C11orf65: variants seen among roughly 807,000 people sequenced by gnomAD.
C11orf65 encodes chromosome 11 open reading frame 65, also known as protein MFI.
In C11orf65, 38 loss-of-function variants were observed where a neutral mutation model predicts 35.3. The observed-to-expected ratio is 1.08, with a 90% CI of 0.83 to 1.41. The LOEUF is 1.41. Among genes scored for constraint, C11orf65 ranks in the 40% most tolerant of loss-of-function variants. The pLI is 0.00. For missense variants in C11orf65, 370 were observed against 367.1 expected (o/e 1.01, Z -0.06); for synonymous variants, 105 against 114.4 (o/e 0.92, Z 0.53).
chr11:108,368,232 G>C (rs1258671621), intron 2 of C11orf65: 1 of 197,498 alleles, frequency 5.1e-6, no homozygotes, highest in Admixed American at 6.2e-5. Context: ...TGTAATTTTA[G>C]TAGAGACAGG....
At chr11:108,354,080 C>CACACAT (rs1358434574) in intron 2 of C11orf65, among the ~76,000 whole-genome samples, 22 of 149,936 alleles carry the variant, frequency 1.5e-4, no homozygotes, top group African/African-American at 4.2e-4. Flanking sequence ...AACACACACA[C>CACACAT]ACACACACAC....
intron 2 of C11orf65, among the ~76,000 whole-genome samples, chr11:108,376,849 C>G (rs1450034189): frequency 2.0e-5 from 3 of 150,928 alleles, no homozygotes; most frequent in Non-Finnish European, 3.0e-5. Context: ...ATACTACAAA[C>G]ACCTCTATGC....
chr11:108,364,901 A>C lies in C11orf65; in HGVS notation c.226+28307T>G, dbSNP rs150178811. Among the ~76,000 whole-genome samples the C allele has an allele frequency of 5.9e-5, 9 of 152,332 alleles. No individual in the cohort carries two copies. The East Asian group carries it at 1.7e-3, about 29-fold the overall frequency. ...AGAATGAATTCAGAATGAAATGAGA[A>C]GCTTGGAGCATTATGCTAGGATAGT... On this transcript the variant is annotated intron_variant, in intron 2 of 3. Transcript: ENST00000524755.
chr11:108,445,328 C>A (rs184433393), intron 2 of C11orf65, among the ~76,000 whole-genome samples: 1 of 152,146 alleles, frequency 6.6e-6, no homozygotes, highest in Non-Finnish European at 1.5e-5. Context: ...CCCTGACCCC[C>A]GAGCAGCCTA....
At chr11:108,313,272 C>T (rs1270712302) in intron 6 of C11orf65, among the ~76,000 whole-genome samples, 1 of 152,164 alleles carries the variant, frequency 6.6e-6, no homozygotes, top group Non-Finnish European at 1.5e-5. Flanking sequence ...TTTAAAACCT[C>T]TCCTGTTTAA....
chr11:108,369,086 ATAAT>A (rs1288453768), intron 2 of C11orf65: 1 of 170,990 alleles, frequency 5.8e-6, no homozygotes, highest in Non-Finnish European at 1.3e-5. Context: ...TTTTGAATAA[ATAAT>A]TCTAAAAGCA....
chr11:108,448,719 G>A (rs11212646), intron 2 of C11orf65, among the ~76,000 whole-genome samples: 1 of 151,926 alleles, frequency 6.6e-6, no homozygotes, highest in African/African-American at 2.4e-5. Flanking sequence ...CTTTGAAAAC[G>A]GGCACAAGAC....
chr11:108,463,232 C>T lies in C11orf65; in HGVS notation c.-9-1664G>A, dbSNP rs148779499. On this transcript the variant is annotated intron_variant, in intron 1 of 8. Coordinates refer to ENST00000393084, the MANE Select transcript of C11orf65 (RefSeq NM_152587.5). The stretch of plus-strand genomic sequence containing the variant: ...ACCTATTTAAACATATAACATACAT[C>T]TACTAATGTTTAGAAAGACAGAGGC... Among the ~76,000 whole-genome samples, 19 of 135,708 alleles carry T rather than the reference C, an allele frequency of 1.4e-4. 1 individual carries two copies. In the East Asian group the frequency reaches 1.5e-3, roughly 11 times the overall value. 89.0% of individuals were successfully genotyped at this position (135,708 alleles called of 152,430 possible).
At chr11:108,376,326 C>T (rs1172606383) in intron 2 of C11orf65, among the ~76,000 whole-genome samples, 478 of 150,726 alleles carry the variant, frequency 3.2e-3, no homozygotes, top group African/African-American at 0.011. Flanking sequence ...GATTAAGAAT[C>T]TCACTCAAAA....
chr11:108,344,733 G>C (rs1354835104), intron 2 of C11orf65, among the ~76,000 whole-genome samples: 1 of 152,118 alleles, frequency 6.6e-6, no homozygotes, highest in East Asian at 1.9e-4. Context: ...GGCGGGTGTG[G>C]TAGCGCATGC....
intron 7 of C11orf65, among the ~76,000 whole-genome samples, chr11:108,391,755 C>G (rs58071420): frequency 3.3e-5 from 5 of 151,166 alleles, no homozygotes; most frequent in African/African-American, 1.2e-4. Context: ...CCCCTCCCCC[C>G]AGTTAATTCT....
intron 6 of C11orf65, chr11:108,316,249 G>A: frequency 1.1e-6 from 1 of 933,684 alleles, no homozygotes; most frequent in South Asian, 1.4e-5. Flanking sequence ...AGAGGATTAG[G>A]CTAAACATTC....
At chr11:108,398,509 A>T (rs1183316577) in intron 6 of C11orf65, among the ~76,000 whole-genome samples, 1 of 152,238 alleles carries the variant, frequency 6.6e-6, no homozygotes, top group Non-Finnish European at 1.5e-5. Context: ...ATGCCCACAT[A>T]ATTAGAAATA....
intron 2 of C11orf65, among the ~76,000 whole-genome samples, chr11:108,337,600 G>A (rs1298138871): frequency 6.6e-6 from 1 of 152,156 alleles, no homozygotes; most frequent in Non-Finnish European, 1.5e-5. Context: ...CTGGTCCAGG[G>A]ACAACACTTT....
chr11:108,366,837 C>T (rs1484328440), intron 2 of C11orf65: 1 of 229,734 alleles, frequency 4.4e-6, no homozygotes, highest in Middle Eastern at 1.3e-3. Flanking sequence ...GAAGGAGGTA[C>T]ATTTAATTCC....
intron 6 of C11orf65, among the ~76,000 whole-genome samples, chr11:108,318,852 T>G (rs766294023): frequency 6.2e-4 from 94 of 152,208 alleles, no homozygotes; most frequent in Non-Finnish European, 7.2e-4. Context: ...ATTAATTATG[T>G]TTAAGTATGT....
chr11:108,352,859 TTGAAA>T (rs1198438509), intron 2 of C11orf65, among the ~76,000 whole-genome samples: 17 of 152,168 alleles, frequency 1.1e-4, no homozygotes, highest in African/African-American at 3.6e-4. Flanking sequence ...TATAACATAC[TTGAAA>T]TGACAAAATT....
intron 2 of C11orf65, among the ~76,000 whole-genome samples, chr11:108,454,577 C>T (rs112574285): frequency 5.9e-5 from 9 of 152,088 alleles, no homozygotes; most frequent in Admixed American, 3.9e-4. Flanking sequence ...GGATTACAGG[C>T]GTGAGCCACT....
chr11:108,403,812 G>C (rs2092486856), intron 6 of C11orf65, among the ~76,000 whole-genome samples: 1 of 152,132 alleles, frequency 6.6e-6, no homozygotes, highest in Non-Finnish European at 1.5e-5. Flanking sequence ...TATACATGGG[G>C]GTTTATTTAT....
Sources: allele counts gnomAD v4.1 joint callset (sites outside exome capture counted in the v4.1 genomes callset), GRCh38; gene constraint gnomAD v4.1.1; transcripts MANE v1.5; gene names NCBI Gene and HGNC (gene_info 2026-07-23, HGNC 2026-07-21).